The following CNTN5 variants were observed in gnomAD, a reference collection of about 807,000 sequenced individuals.
The protein encoded by CNTN5 is contactin-5.
In CNTN5, 77 loss-of-function variants were observed where a neutral mutation model predicts 129.1. The observed-to-expected ratio is 0.60, with a 90% CI of 0.50 to 0.72. The LOEUF (loss-of-function observed/expected upper bound fraction) is 0.72. Among genes scored for constraint, CNTN5 ranks in the 30% least tolerant of loss-of-function variants. The pLI is 0.00. For missense variants in CNTN5, 1,478 were observed against 1,328.8 expected (o/e 1.11, Z -1.75); for synonymous variants, 509 against 465.6 (o/e 1.09, Z -1.20).
At chr11:99,754,200 T>C (rs1437418499) in intron 3 of CNTN5, among the ~76,000 whole-genome samples, 1 of 152,160 alleles carries the variant, frequency 6.6e-6, no homozygotes, top group East Asian at 1.9e-4. Context: ...ACTTGTTAAA[T>C]GTTTTAAATA....
chr11:99,371,307 T>A (rs1939807387), intron 2 of CNTN5, among the ~76,000 whole-genome samples: 1 of 151,952 alleles, frequency 6.6e-6, no homozygotes, highest in Non-Finnish European at 1.5e-5. Flanking sequence ...AACTTAAAAA[T>A]ATATACATAT....
At chr11:99,841,825 T>G (rs1336572439) in intron 4 of CNTN5, among the ~76,000 whole-genome samples, 1 of 142,356 alleles carries the variant, frequency 7.0e-6, no homozygotes, top group Non-Finnish European at 1.5e-5. Context: ...TATATGTGTG[T>G]ATATATATAT....
At chr11:99,704,370 T>C (rs1591505132) in intron 3 of CNTN5, among the ~76,000 whole-genome samples, 1 of 151,184 alleles carries the variant, frequency 6.6e-6, no homozygotes, top group East Asian at 2.0e-4. Context: ...TTTTTTTCTT[T>C]TAATTTAAAA....
chr11:99,379,752 G>A (rs1940413213), intron 2 of CNTN5, among the ~76,000 whole-genome samples: 1 of 152,108 alleles, frequency 6.6e-6, no homozygotes, highest in Admixed American at 6.6e-5. Context: ...GTGGGGCAGA[G>A]ATCCTAAAGC....
At chr11:99,612,660 G>C (rs1950626089) in intron 3 of CNTN5, among the ~76,000 whole-genome samples, 1 of 152,194 alleles carries the variant, frequency 6.6e-6, no homozygotes, top group South Asian at 2.1e-4. Flanking sequence ...AGGTTCTCTA[G>C]TTTCTCAAAA....
At chr11:99,995,682 A>T (rs2084602878) in intron 8 of CNTN5, among the ~76,000 whole-genome samples, 1 of 152,002 alleles carries the variant, frequency 6.6e-6, no homozygotes, top group Non-Finnish European at 1.5e-5. Context: ...AAACATAGAC[A>T]CCCCCAAACA....
At chr11:99,297,096 A>G (rs1864420195) in intron 1 of CNTN5, among the ~76,000 whole-genome samples, 2 of 152,174 alleles carry the variant, frequency 1.3e-5, no homozygotes, top group Non-Finnish European at 2.9e-5. Context: ...GCTTTTAACT[A>G]CTCAAGATAA....
rs1565558240 is a variant in CNTN5 at position 99,408,537 on chromosome 11, T to C, written c.-71+83053T>C. 3.1e-5 allele frequency among the ~76,000 whole-genome samples: 4 copies of C among 128,442 alleles called. 1 individual carries two copies. Among genetic ancestry groups the C allele is most frequent in the Admixed American group, 8.2e-5 (1 of 12,186 alleles). 84.3% of individuals were successfully genotyped at this position (128,442 alleles called of 152,430 possible). Reference sequence around the variant, plus strand: ...TCATAGAAATTGGAGTCTCAATATGTTGCCTGGGCTGACCTCAAAATCCTG... The same window carrying C: ...TCATAGAAATTGGAGTCTCAATATGCTGCCTGGGCTGACCTCAAAATCCTG... On this transcript the variant is annotated intron_variant, in intron 2 of 24. Transcript: ENST00000524871.
chr11:99,062,752 TA>T (rs34057792), intron 1 of CNTN5, among the ~76,000 whole-genome samples: 69,951 of 151,774 alleles, frequency 0.46, 16,413 homozygotes, highest in Non-Finnish European at 0.48. Context: ...CACCACACAC[TA>T]GCTATTCTAA....
chr11:99,167,271 T>C (rs905179455), intron 1 of CNTN5, among the ~76,000 whole-genome samples: 1 of 152,176 alleles, frequency 6.6e-6, no homozygotes, highest in Non-Finnish European at 1.5e-5. Context: ...AACTGACTCA[T>C]AATTTAGTGT....
chr11:99,027,679 TAAAAC>T, intron 1 of CNTN5, among the ~76,000 whole-genome samples: 1 of 151,842 alleles, frequency 6.6e-6, no homozygotes, highest in African/African-American at 2.4e-5. Flanking sequence ...CTGAATATGA[TAAAAC>T]ATAAAATTAC....
chr11:99,391,077 A>G (rs1941234802), intron 2 of CNTN5, among the ~76,000 whole-genome samples: 1 of 152,028 alleles, frequency 6.6e-6, no homozygotes, highest in Non-Finnish European at 1.5e-5. Flanking sequence ...TTGTATTATT[A>G]CTCCTAGATG....
intron 2 of CNTN5, among the ~76,000 whole-genome samples, chr11:99,493,076 C>T (rs2135356428): frequency 6.6e-6 from 1 of 152,324 alleles, no homozygotes; most frequent in Non-Finnish European, 1.5e-5. Context: ...GCTTCTACTG[C>T]TACCTCAAAT....
chr11:99,381,541 GAGA>G lies in CNTN5; in HGVS notation c.-71+56065_-71+56067del, dbSNP rs1185948836. 3.3e-5 allele frequency among the ~76,000 whole-genome samples: 5 copies of G among 152,124 alleles called. No homozygotes were observed. The South Asian group carries it at 6.2e-4, about 19-fold the overall frequency. ...AATGAACTCCATCTTAAGAGCAATG[GAGA>G]AGAAGAACTTCATAATTTTCAAGAT... is the stretch of plus-strand genomic sequence containing the variant. On this transcript the variant is annotated intron_variant, in intron 2 of 24. Coordinates refer to ENST00000524871, the MANE Select transcript of CNTN5 (RefSeq NM_014361.4).
chr11:99,464,354 C>T (rs1944852676), intron 2 of CNTN5, among the ~76,000 whole-genome samples: 1 of 152,200 alleles, frequency 6.6e-6, no homozygotes, highest in Admixed American at 6.5e-5. Flanking sequence ...TATCATTTTC[C>T]TAAAGAGATG....
chr11:100,044,278 C>T (rs1206167343), intron 9 of CNTN5, among the ~76,000 whole-genome samples: 17 of 151,856 alleles, frequency 1.1e-4, no homozygotes, highest in Admixed American at 7.2e-4. Context: ...TCAACAGTCC[C>T]GTGATAAACA....
chr11:99,488,472 C>G (rs901777482), intron 2 of CNTN5, among the ~76,000 whole-genome samples: 39 of 152,032 alleles, frequency 2.6e-4, no homozygotes, highest in African/African-American at 9.2e-4. Flanking sequence ...TTTTTAAGAA[C>G]TTCCAGGCTC....
At chr11:99,711,557 G>T (rs776957112) in intron 3 of CNTN5, among the ~76,000 whole-genome samples, 1 of 151,720 alleles carries the variant, frequency 6.6e-6, no homozygotes, top group African/African-American at 2.4e-5. Flanking sequence ...AGGTATACAC[G>T]TGTCATGGTG....
intron 9 of CNTN5, among the ~76,000 whole-genome samples, chr11:100,037,695 G>A (rs571067756): frequency 1.2e-4 from 19 of 152,216 alleles, no homozygotes; most frequent in Admixed American, 3.3e-4. Flanking sequence ...GTTTAGTCTT[G>A]GGAGGATGTA....
Sources: gnomAD v4.1 joint callset for allele counts (sites outside exome capture counted in the v4.1 genomes callset) on GRCh38, gnomAD v4.1.1 for gene constraint, MANE v1.5 for transcripts, NCBI Gene and HGNC (gene_info 2026-07-23, HGNC 2026-07-21) for gene names.